Variants in NLGN1 observed in about 807,000 individuals in gnomAD.
The protein encoded by NLGN1 is neuroligin-1.
A neutral mutation model predicts 65.5 loss-of-function variants in NLGN1; 12 were observed. The ratio of observed to expected loss-of-function variants is 0.18; its 90% CI spans 0.12 to 0.30. NLGN1 has a LOEUF of 0.30. Among genes scored for constraint, NLGN1 ranks in the 10% least tolerant of loss-of-function variants. The pLI is 1.00. For missense variants in NLGN1, 750 were observed against 1,007.1 expected, an observed-to-expected ratio of 0.74 and a Z score of 3.46; for synonymous variants, 350 against 359.5, an observed-to-expected ratio of 0.97 and a Z score of 0.30.
At chr3:174,079,204 T>C (rs1741638114) in intron 4 of NLGN1, among the ~76,000 whole-genome samples, 1 of 151,774 alleles carries the variant, frequency 6.6e-6, no homozygotes, top group South Asian at 2.1e-4. Flanking sequence ...AAAAAAAAAC[T>C]TTCCCATTAA....
rs531291291 is a variant in NLGN1, at chr3:173,485,173, A to G, written c.-321+50095A>G. Among the ~76,000 whole-genome samples the G allele has an allele frequency of 1.6e-3, 242 of 151,086 alleles. 1 individual carries two copies. Among genetic ancestry groups the G allele is most frequent in the South Asian group, 8.4e-3 (40 of 4,758 alleles). ...AAAAACTACCATTTTTAACTCTATC[A>G]GATCTTGTGAGACCCAGAACAGCCT... is the stretch of plus-strand genomic sequence containing the variant. On this transcript the variant is annotated intron_variant, in intron 2 of 6. Transcript: ENST00000457714.
chr3:174,226,941 C>T (rs923642743), intron 4 of NLGN1, among the ~76,000 whole-genome samples: 1 of 152,052 alleles, frequency 6.6e-6, no homozygotes, highest in African/African-American at 2.4e-5. Flanking sequence ...TATTTAAAGA[C>T]CTGGATATTT....
At chr3:173,674,066 C>T (rs1432178338) in intron 3 of NLGN1, among the ~76,000 whole-genome samples, 1 of 152,032 alleles carries the variant, frequency 6.6e-6, no homozygotes, top group African/African-American at 2.4e-5. Flanking sequence ...TGTGAATCGG[C>T]CGTATGTTCC....
intron 2 of NLGN1, among the ~76,000 whole-genome samples, chr3:173,457,308 A>G (rs547653498): frequency 3.9e-5 from 6 of 152,296 alleles, no homozygotes; most frequent in Admixed American, 6.5e-5. Flanking sequence ...GCAAGTTTCA[A>G]TGCCATGAAG....
chr3:173,873,451 T>A (rs973728990), intron 4 of NLGN1, among the ~76,000 whole-genome samples: 14 of 152,126 alleles, frequency 9.2e-5, no homozygotes, highest in African/African-American at 3.4e-4. Context: ...ATATTCTCTG[T>A]CAGTATAAGA....
intron 4 of NLGN1, among the ~76,000 whole-genome samples, chr3:173,997,607 A>T (rs935169150): frequency 6.6e-6 from 1 of 152,104 alleles, no homozygotes; most frequent in South Asian, 2.1e-4. Flanking sequence ...GGCAATATTC[A>T]TAATCATCCC....
chr3:173,572,248 G>T (rs1043877318), intron 2 of NLGN1, among the ~76,000 whole-genome samples: 1 of 152,194 alleles, frequency 6.6e-6, no homozygotes, highest in African/African-American at 2.4e-5. Context: ...TGAAGGAGGG[G>T]ACCAAATATT....
chr3:173,432,284 C>A (rs998436678), intron 1 of NLGN1, among the ~76,000 whole-genome samples: 11 of 152,186 alleles, frequency 7.2e-5, no homozygotes, highest in African/African-American at 2.7e-4. Context: ...AGTATAAGTA[C>A]TTCTGTAAGA....
chr3:174,273,066 A>G (rs937344811), intron 4 of NLGN1, among the ~76,000 whole-genome samples: 4 of 151,338 alleles, frequency 2.6e-5, no homozygotes, highest in African/African-American at 9.7e-5. Context: ...GAGTGCATCT[A>G]TAACTGGAAT....
rs962571955 is a variant in NLGN1, at chr3:173,559,263, C to A, written c.-320-45016C>A. Among the ~76,000 whole-genome samples the A allele has an allele frequency of 1.9e-4, 29 of 152,172 alleles. 1 individual carries two copies. Among genetic ancestry groups the A allele is most frequent in the African/African-American group, 6.0e-4 (25 of 41,448 alleles). ...ATTCAATAGGCGAGAATTGATGGCC[C>A]AAACATTTGTTTTAGCATATGAGTC... On this transcript the variant is annotated intron_variant, in intron 2 of 6. Coordinates refer to ENST00000457714, the Ensembl canonical transcript of NLGN1.
intron 4 of NLGN1, among the ~76,000 whole-genome samples, chr3:173,911,770 AGT>A (rs1230775839): frequency 6.6e-6 from 1 of 152,198 alleles, no homozygotes; most frequent in Non-Finnish European, 1.5e-5. Flanking sequence ...TAATAATAAT[AGT>A]GTATCTCAAA....
chr3:173,669,247 A>G (rs578043602), intron 3 of NLGN1, among the ~76,000 whole-genome samples: 1 of 152,290 alleles, frequency 6.6e-6, no homozygotes, highest in East Asian at 1.9e-4. Flanking sequence ...AATGTAATAC[A>G]ATCTTGTTTT....
At chr3:173,943,641 G>A (rs985620554) in intron 4 of NLGN1, among the ~76,000 whole-genome samples, 2 of 152,114 alleles carry the variant, frequency 1.3e-5, no homozygotes, top group African/African-American at 4.8e-5. Context: ...GGAGGAATTC[G>A]GCTTCTTGGT....
At position 173,958,887 on chromosome 3, in the gene NLGN1, G is replaced by T. The variant is rs138382354; in HGVS notation, c.646+151055G>T. Reference sequence around the variant, plus strand: ...CCAAAGTCTGGAGGGGGCCTAGGCAGCAGGGGGTTGTCACGTCAGTACTGC... The same window carrying T: ...CCAAAGTCTGGAGGGGGCCTAGGCATCAGGGGGTTGTCACGTCAGTACTGC... On this transcript the variant is annotated intron_variant, in intron 4 of 6. Coordinates refer to ENST00000457714, the Ensembl canonical transcript of NLGN1. Among the ~76,000 whole-genome samples, 485 of 152,350 alleles carry T rather than the reference G, an allele frequency of 3.2e-3. 1 individual carries two copies. Among genetic ancestry groups the T allele is most frequent in the African/African-American group, 0.011 (456 of 41,590 alleles).
At chr3:173,677,859 A>G (rs1303819412) in intron 3 of NLGN1, among the ~76,000 whole-genome samples, 5 of 152,132 alleles carry the variant, frequency 3.3e-5, no homozygotes, top group African/African-American at 1.2e-4. Context: ...TAAATTGTTG[A>G]TTGAAAGTCT....
intron 4 of NLGN1, among the ~76,000 whole-genome samples, chr3:173,831,295 G>C (rs554717349): frequency 1.3e-5 from 2 of 152,162 alleles, no homozygotes; most frequent in East Asian, 3.9e-4. Context: ...TTTGAAAAAG[G>C]TATATATCAA....
chr3:174,112,713 A>G (rs1342100880), intron 4 of NLGN1, among the ~76,000 whole-genome samples: 2 of 152,028 alleles, frequency 1.3e-5, no homozygotes, highest in Non-Finnish European at 2.9e-5. Context: ...AAATTGATTT[A>G]GAAGTCCTTA....
In NLGN1 at chr3:173,609,892, C is replaced by T. The variant is rs574589840; in HGVS notation, c.493+4801C>T. 7.9e-5 allele frequency among the ~76,000 whole-genome samples: 12 copies of T among 151,820 alleles called. No homozygotes were observed. In the South Asian group the frequency reaches 1.5e-3, roughly 18 times the overall value. On this transcript the variant is annotated intron_variant, in intron 3 of 6. Coordinates refer to ENST00000457714, the Ensembl canonical transcript of NLGN1. ...AAAATAAAATGAAGACTACCTCATT[C>T]GAGCAAAGATCTGAAGGAGATAAAG...
chr3:173,579,247 G>A (rs1424971648), intron 2 of NLGN1, among the ~76,000 whole-genome samples: 5 of 152,226 alleles, frequency 3.3e-5, no homozygotes, highest in Admixed American at 6.5e-5. Context: ...GCCAAGGTGG[G>A]CAGATTGCTT....
Sources: allele counts gnomAD v4.1 joint callset (sites outside exome capture counted in the v4.1 genomes callset), GRCh38; gene constraint gnomAD v4.1.1; transcripts MANE v1.5; gene names NCBI Gene and HGNC (gene_info 2026-07-23, HGNC 2026-07-21).